Variants in CTNND2 observed in about 807,000 individuals in gnomAD.
CTNND2 encodes the protein catenin delta 2.
Under a neutral mutation model 144.4 loss-of-function variants are expected in CTNND2, and 22 were observed. The ratio of observed to expected loss-of-function variants is 0.15; its 90% CI spans 0.11 to 0.22. The LOEUF (loss-of-function observed/expected upper bound fraction) is 0.22. CTNND2 is among the 10% of genes least tolerant of loss of function. CTNND2 has a pLI of 1.00. For synonymous variants in CTNND2, 751 were observed against 695.6 expected (o/e 1.08, Z -1.25); for missense variants, 1,353 against 1,618.8 (o/e 0.84, Z 2.82).
chr5:11,703,142 C>G (rs1462113425), intron 2 of CTNND2, among the ~76,000 whole-genome samples: 1 of 152,178 alleles, frequency 6.6e-6, no homozygotes, highest in East Asian at 1.9e-4. Context: ...AGGCTAAGAG[C>G]TACCCAACTG....
rs139286970 is a variant in CTNND2, at chr5:11,659,776, A to C, written c.174+72360T>G. Among the ~76,000 whole-genome samples the C allele has an allele frequency of 1.2e-3, 178 of 152,288 alleles. 1 individual carries two copies. The highest frequency in any genetic ancestry group is 4.1e-3 in the African/African-American group (169 of 41,564). On this transcript the variant is annotated intron_variant, in intron 2 of 21. Coordinates refer to ENST00000304623, the MANE Select transcript of CTNND2 (RefSeq NM_001332.4). ...TTCAAGGACTCTCTTCAGTGGTCCAAAGCCTGAGAACAGTTGCTTCATATA... is the reference window on the plus strand; with the variant it reads ...TTCAAGGACTCTCTTCAGTGGTCCACAGCCTGAGAACAGTTGCTTCATATA...
At chr5:11,330,062 T>C (rs184806957) in intron 9 of CTNND2, among the ~76,000 whole-genome samples, 10 of 152,308 alleles carry the variant, frequency 6.6e-5, no homozygotes, top group Admixed American at 4.6e-4. Flanking sequence ...GCCTGAATGA[T>C]ACACACATCA....
chr5:11,369,536 G>C (rs1412709894), intron 7 of CTNND2, among the ~76,000 whole-genome samples: 1 of 152,130 alleles, frequency 6.6e-6, no homozygotes, highest in Non-Finnish European at 1.5e-5. Context: ...CTATGTACTA[G>C]ATTTTACATC....
rs528917975 is a variant in CTNND2 at position 11,588,957 on chromosome 5, G to C, written c.175-23901C>G. 4.1e-6 allele frequency: 4 copies of C among 985,328 alleles called. No individual in the cohort carries two copies. In the East Asian group the frequency reaches 4.6e-4, roughly 112 times the overall value. 61.0% of individuals were successfully genotyped at this position (985,328 alleles called of 1,614,324 possible). ...AAAACCGAGAAGGGAGTGAAGAACAGCCTCGAAAAAGTCAGGACGCTGAAT... is the reference window on the plus strand; with the variant it reads ...AAAACCGAGAAGGGAGTGAAGAACACCCTCGAAAAAGTCAGGACGCTGAAT... On this transcript the variant is annotated intron_variant, in intron 2 of 21. Transcript: ENST00000304623.
rs527947213 is a variant in CTNND2 at position 11,680,328 on chromosome 5, C to T, written c.174+51808G>A. Among the ~76,000 whole-genome samples, 12 of 152,248 alleles carry T rather than the reference C, an allele frequency of 7.9e-5. No homozygotes were observed. In the East Asian group the frequency reaches 2.3e-3, roughly 29 times the overall value. On this transcript the variant is annotated intron_variant, in intron 2 of 21. Coordinates refer to ENST00000304623, the MANE Select transcript of CTNND2 (RefSeq NM_001332.4). Reference sequence around the variant, plus strand: ...TTCCACACTCAACAATTTTGCCCCCCACCCACACCCCCACATTTGGCATTG... The same window carrying T: ...TTCCACACTCAACAATTTTGCCCCCTACCCACACCCCCACATTTGGCATTG...
At chr5:11,148,348 G>T (rs901711126) in intron 12 of CTNND2, among the ~76,000 whole-genome samples, 2 of 152,326 alleles carry the variant, frequency 1.3e-5, no homozygotes. Flanking sequence ...TAGTTTGAAT[G>T]AAAGGGATAG....
intron 17 of CTNND2, among the ~76,000 whole-genome samples, chr5:11,022,095 CA>C (rs1289049600): frequency 6.6e-6 from 1 of 152,190 alleles, no homozygotes; most frequent in African/African-American, 2.4e-5. Flanking sequence ...CACCAAGTCT[CA>C]TCTCTTTTTG....
chr5:11,219,541 A>T (rs1263076923), intron 10 of CTNND2, among the ~76,000 whole-genome samples: 1 of 152,206 alleles, frequency 6.6e-6, no homozygotes, highest in African/African-American at 2.4e-5. Context: ...ATGACCTTAC[A>T]TAGCAAAAGG....
At chr5:11,391,584 C>G (rs1039805977) in intron 6 of CTNND2, among the ~76,000 whole-genome samples, 3 of 152,304 alleles carry the variant, frequency 2.0e-5, no homozygotes, top group Admixed American at 6.5e-5. Context: ...CTTTTCAAAT[C>G]GTCTTCCAAA....
chr5:11,232,700 G>A (rs57702690), intron 10 of CTNND2, among the ~76,000 whole-genome samples: 4,941 of 152,296 alleles, frequency 0.032, 133 homozygotes, highest in African/African-American at 0.066. Context: ...GGACTTTTGG[G>A]TTAATGCTGA....
At chr5:11,861,081 C>G (rs1248802419) in intron 1 of CTNND2, among the ~76,000 whole-genome samples, 1 of 152,222 alleles carries the variant, frequency 6.6e-6, no homozygotes, top group Admixed American at 6.5e-5. Flanking sequence ...AAAACAACCT[C>G]TCCCACATAC....
At chr5:11,732,037 T>A (rs1581791295) in intron 2 of CTNND2, 99 bp downstream of exon 2, 1 of 1,122,116 alleles carries the variant, frequency 8.9e-7, no homozygotes, top group Non-Finnish European at 1.3e-6. Context: ...TACATGAGTA[T>A]GAGTTTCTTT....
chr5:11,280,866 C>A (rs1457470182), intron 9 of CTNND2, among the ~76,000 whole-genome samples: 2 of 152,152 alleles, frequency 1.3e-5, no homozygotes, highest in African/African-American at 2.4e-5. Flanking sequence ...CCACAGACCC[C>A]TCCTCAGCTG....
intron 1 of CTNND2, among the ~76,000 whole-genome samples, chr5:11,738,200 T>A (rs994947111): frequency 6.6e-6 from 1 of 152,124 alleles, no homozygotes; most frequent in Non-Finnish European, 1.5e-5. Context: ...AAAGCAAAGC[T>A]TACAAAGGGA....
intron 20 of CTNND2, among the ~76,000 whole-genome samples, chr5:10,987,226 C>T (rs907960837): frequency 3.9e-5 from 6 of 152,152 alleles, no homozygotes; most frequent in African/African-American, 1.4e-4. Context: ...GGAGGGCCAT[C>T]CAGGGAGAGG....
intron 9 of CTNND2, among the ~76,000 whole-genome samples, chr5:11,320,949 A>G (rs1173611763): frequency 6.6e-6 from 1 of 152,196 alleles, no homozygotes. Context: ...TACACAATCT[A>G]TTTTTTGAAT....
chr5:11,138,808 C>G (rs1210670173), intron 12 of CTNND2, among the ~76,000 whole-genome samples: 1 of 152,122 alleles, frequency 6.6e-6, no homozygotes, highest in East Asian at 1.9e-4. Flanking sequence ...GAGCTCTGCT[C>G]CATACATATC....
At chr5:11,395,064 C>T (rs984486993) in intron 6 of CTNND2, among the ~76,000 whole-genome samples, 13 of 152,038 alleles carry the variant, frequency 8.6e-5, no homozygotes, top group African/African-American at 1.2e-4. Flanking sequence ...AGATTTCACA[C>T]GGATCAGAAT....
intron 2 of CTNND2, among the ~76,000 whole-genome samples, chr5:11,665,966 G>A (rs755990046): frequency 6.6e-6 from 1 of 152,138 alleles, no homozygotes; most frequent in Non-Finnish European, 1.5e-5. Flanking sequence ...TATATATTAT[G>A]AGCAAAGAAA....
Sources: gnomAD v4.1 joint callset for allele counts (sites outside exome capture counted in the v4.1 genomes callset) on GRCh38, gnomAD v4.1.1 for gene constraint, MANE v1.5 for transcripts, NCBI Gene and HGNC (gene_info 2026-07-23, HGNC 2026-07-21) for gene names.